The following SLC35F1 variants were observed in gnomAD, a reference collection of about 807,000 sequenced individuals.
SLC35F1 encodes chromosome 6 open reading frame 169.
Under a neutral mutation model 48.7 loss-of-function variants are expected in SLC35F1, and 14 were observed. The ratio of observed to expected loss-of-function variants is 0.29; its 90% CI spans 0.19 to 0.45. SLC35F1 has a LOEUF of 0.45. Among genes scored for constraint, SLC35F1 ranks in the 20% least tolerant of loss-of-function variants. The probability of loss-of-function intolerance (pLI) is 1.00; values close to 1 mark genes in which losing one functional copy is unlikely to be tolerated. For synonymous variants in SLC35F1, 190 were observed against 202.2 expected, an observed-to-expected ratio of 0.94 and a Z score of 0.51; for missense variants, 404 against 500.0, an observed-to-expected ratio of 0.81 and a Z score of 1.83.
chr6:118,044,533 C>G (rs572833666), intron 1 of SLC35F1, among the ~76,000 whole-genome samples: 3 of 152,164 alleles, frequency 2.0e-5, no homozygotes, highest in South Asian at 2.1e-4. Context: ...GAGGCTGTGA[C>G]TGGGAGGCCC....
chr6:118,022,867 C>T (rs1376889976), intron 1 of SLC35F1, among the ~76,000 whole-genome samples: 1 of 151,736 alleles, frequency 6.6e-6, no homozygotes, highest in Non-Finnish European at 1.5e-5. Flanking sequence ...TCTCCTGCCT[C>T]AGCCTCCTGA....
chr6:118,022,143 A>C (rs1197990670), intron 1 of SLC35F1, among the ~76,000 whole-genome samples: 3 of 152,252 alleles, frequency 2.0e-5, no homozygotes, highest in Non-Finnish European at 2.9e-5. Flanking sequence ...TGGCAACTAA[A>C]AAAAGTTTGC....
chr6:118,232,189 A>G (rs1004883462), intron 2 of SLC35F1, among the ~76,000 whole-genome samples: 3 of 152,178 alleles, frequency 2.0e-5, no homozygotes, highest in Non-Finnish European at 4.4e-5. Flanking sequence ...CAAATTATTA[A>G]TAATCTAATG....
At chr6:118,159,490 A>G (rs1163773123) in intron 2 of SLC35F1, among the ~76,000 whole-genome samples, 1 of 152,224 alleles carries the variant, frequency 6.6e-6, no homozygotes, top group Non-Finnish European at 1.5e-5. Flanking sequence ...AATGTGACTA[A>G]GAAAGTACAG....
intron 5 of SLC35F1, 112 bp from the exon 6 acceptor site, chr6:118,277,382 C>T (rs1387230862): frequency 6.3e-6 from 6 of 945,608 alleles, no homozygotes; most frequent in Non-Finnish European, 8.2e-6. Flanking sequence ...TGAAATTCAT[C>T]TGGTTGCTTC....
At chr6:117,932,337 C>G (rs1776113452) in intron 1 of SLC35F1, among the ~76,000 whole-genome samples, 1 of 152,044 alleles carries the variant, frequency 6.6e-6, no homozygotes, top group South Asian at 2.1e-4. Flanking sequence ...ATTTTTTTGA[C>G]CATTATCTAT....
chr6:118,242,203 C>T (rs1338136979), intron 3 of SLC35F1, among the ~76,000 whole-genome samples: 1 of 152,212 alleles, frequency 6.6e-6, no homozygotes, highest in African/African-American at 2.4e-5. Context: ...TATGAGACAT[C>T]TATTGGTTCT....
chr6:117,943,529 T>C (rs551606413), intron 1 of SLC35F1, among the ~76,000 whole-genome samples: 1 of 152,302 alleles, frequency 6.6e-6, no homozygotes, highest in South Asian at 2.1e-4. Context: ...ATTGTGAAAT[T>C]TTGTGTAAAG....
intron 1 of SLC35F1, among the ~76,000 whole-genome samples, chr6:117,919,755 A>G (rs945805385): frequency 6.6e-5 from 10 of 152,220 alleles, no homozygotes; most frequent in African/African-American, 1.9e-4. Flanking sequence ...AAGTATAAAT[A>G]TATGTATTTA....
intron 1 of SLC35F1, among the ~76,000 whole-genome samples, chr6:118,091,924 C>T (rs1773079672): frequency 6.6e-6 from 1 of 152,192 alleles, no homozygotes; most frequent in African/African-American, 2.4e-5. Flanking sequence ...GCATTTTGAC[C>T]CTGCCCTAGA....
chr6:118,127,388 T>C (rs927618556), intron 1 of SLC35F1, among the ~76,000 whole-genome samples: 1 of 151,844 alleles, frequency 6.6e-6, no homozygotes, highest in Non-Finnish European at 1.5e-5. Context: ...TTTGCCAGTA[T>C]TTTATTGAGG....
intron 1 of SLC35F1, among the ~76,000 whole-genome samples, chr6:118,130,395 C>T (rs1045890556): frequency 6.6e-5 from 10 of 152,070 alleles, no homozygotes; most frequent in Non-Finnish European, 1.0e-4. Flanking sequence ...TGGTTTACTT[C>T]GGGAGGCAAA....
intron 1 of SLC35F1, among the ~76,000 whole-genome samples, chr6:117,923,794 C>CATATATACATATACACATACATTTGT (rs1775974801): frequency 1.0e-5 from 1 of 99,338 alleles, no homozygotes; most frequent in Non-Finnish European, 1.9e-5. Context: ...CATATATGTA[C>CATATATACATATACACATACATTTGT]ATATATACAT....
chr6:118,253,598 G>A (rs1199231237), intron 3 of SLC35F1, among the ~76,000 whole-genome samples: 3 of 152,040 alleles, frequency 2.0e-5, no homozygotes, highest in African/African-American at 7.2e-5. Context: ...AAACACCAAC[G>A]TTGAGAGGGA....
Position 118,275,536 on chromosome 6 carries a change from T to C in SLC35F1, c.715T>C (p.Tyr239His). The C allele has an allele frequency of 6.2e-7, 1 of 1,613,966 alleles. No homozygotes were observed. Among genetic ancestry groups the C allele is most frequent in the Non-Finnish European group, 8.5e-7 (1 of 1,179,932 alleles). The change falls in exon 5 of 8, where the codon TAC becomes CAC. Residue 239 changes from tyrosine (Y) to histidine (H), a missense_variant. This residue lies in a region of SLC35F1 where 306 missense variants were observed against 419.1 expected (regional missense o/e 0.73). Transcript: ENST00000360388. ...LYGISNVWEE[Y>H]IIRTLSRVEF... ...TGGTATTTCTAACGTCTGGGAAGAA[T>C]ACATCATCCGAACTCTGAGCCGAGT...
At chr6:117,994,176 A>C (rs1776955412) in intron 1 of SLC35F1, among the ~76,000 whole-genome samples, 1 of 149,250 alleles carries the variant, frequency 6.7e-6, no homozygotes, top group Non-Finnish European at 1.5e-5. Flanking sequence ...CAGCTCCTGA[A>C]GGCCACCTGC....
intron 5 of SLC35F1, among the ~76,000 whole-genome samples, chr6:118,277,275 G>A (rs1008174939): frequency 6.6e-6 from 1 of 152,174 alleles, no homozygotes; most frequent in Non-Finnish European, 1.5e-5. Context: ...AGCGCCCCAG[G>A]GCCCCGTGGC....
intron 1 of SLC35F1, among the ~76,000 whole-genome samples, chr6:117,947,354 A>G (rs1776307708): frequency 6.6e-6 from 1 of 152,170 alleles, no homozygotes; most frequent in Admixed American, 6.6e-5. Flanking sequence ...TAGAGATGAA[A>G]GGAGGACTGG....
At chr6:118,312,214 C>T (rs1034928335) in intron 7 of SLC35F1, among the ~76,000 whole-genome samples, 3 of 152,022 alleles carry the variant, frequency 2.0e-5, no homozygotes, top group Non-Finnish European at 2.9e-5. Context: ...AAACTAGAGA[C>T]GTATGGGTGG....
Sources: gnomAD v4.1 joint callset for allele counts (sites outside exome capture counted in the v4.1 genomes callset) on GRCh38, gnomAD v4.1.1 for gene constraint, gnomAD v4.1.1 regional missense constraint, MANE v1.5 for transcripts, NCBI Gene and HGNC (gene_info 2026-07-23, HGNC 2026-07-21) for gene names.